GLT8D2: variants seen among roughly 807,000 people sequenced by gnomAD.
The protein encoded by GLT8D2 is glycosyltransferase 8 domain-containing protein 2.
A neutral mutation model predicts 44.5 loss-of-function variants in GLT8D2; 45 were observed. That is an observed-to-expected ratio of 1.01 (90% CI 0.80 to 1.30). The LOEUF (loss-of-function observed/expected upper bound fraction) is 1.30. Ranked by LOEUF, GLT8D2 falls within the 50% of genes most tolerant of loss-of-function variation. The probability of loss-of-function intolerance (pLI) is 0.00; values close to 1 mark genes in which losing one functional copy is unlikely to be tolerated. For missense variants in GLT8D2, 400 were observed against 430.4 expected (o/e 0.93, Z 0.62); for synonymous variants, 156 against 157.2 (o/e 0.99, Z 0.06).
At chr12:104,057,711 C>T (rs1356208415) in intron 1 of GLT8D2, among the ~76,000 whole-genome samples, 2 of 152,168 alleles carry the variant, frequency 1.3e-5, no homozygotes, top group East Asian at 3.8e-4. Flanking sequence ...TAATTGAGAT[C>T]ACTTTGAAGG....
At chr12:104,055,870 T>A (rs929382776) in intron 1 of GLT8D2, among the ~76,000 whole-genome samples, 8 of 152,322 alleles carry the variant, frequency 5.3e-5, no homozygotes, top group African/African-American at 9.6e-5. Flanking sequence ...ATGGCTGGGC[T>A]CCAAGATCAC....
intron 1 of GLT8D2, among the ~76,000 whole-genome samples, chr12:104,029,235 A>T (rs548469683): frequency 2.0e-5 from 3 of 152,330 alleles, no homozygotes; most frequent in African/African-American, 7.2e-5. Flanking sequence ...GGTTGCAGTG[A>T]GCCGAGATTG....
intron 1 of GLT8D2, among the ~76,000 whole-genome samples, chr12:104,025,712 A>C (rs1878491311): frequency 6.6e-6 from 1 of 152,200 alleles, no homozygotes; most frequent in Non-Finnish European, 1.5e-5. Context: ...AGTTGTTCCA[A>C]GACCATTTGT....
intron 4 of GLT8D2, chr12:104,012,731 C>T: frequency 1.5e-6 from 1 of 671,544 alleles, no homozygotes; most frequent in Admixed American, 2.3e-5. Context: ...TAGCTTCCAG[C>T]ATCTCAGGAT....
chr12:104,058,189 C>G (rs1449137711), intron 1 of GLT8D2, among the ~76,000 whole-genome samples: 1 of 152,184 alleles, frequency 6.6e-6, no homozygotes, highest in African/African-American at 2.4e-5. Context: ...GGACAAGTCT[C>G]CTGCAAGGGA....
At chr12:104,060,141 T>C (rs1008772728) in intron 1 of GLT8D2, among the ~76,000 whole-genome samples, 1 of 152,222 alleles carries the variant, frequency 6.6e-6, no homozygotes, top group Non-Finnish European at 1.5e-5. Context: ...CTTCTGCCTC[T>C]ATGAAACCCT....
intron 1 of GLT8D2, among the ~76,000 whole-genome samples, chr12:104,025,162 T>C (rs1296861721): frequency 2.6e-5 from 4 of 151,976 alleles, no homozygotes; most frequent in Admixed American, 1.3e-4. Flanking sequence ...TAACAATAAA[T>C]TTTGCAGAGC....
intron 4 of GLT8D2, chr12:104,014,173 G>A: frequency 1.6e-6 from 1 of 631,600 alleles, no homozygotes; most frequent in South Asian, 1.8e-5. Context: ...AGATGAACCT[G>A]AGCAGCATGG....
chr12:104,004,486 G>C (rs577908722), intron 4 of GLT8D2, among the ~76,000 whole-genome samples: 2 of 152,162 alleles, frequency 1.3e-5, no homozygotes, highest in African/African-American at 4.8e-5. Context: ...AAACCCGACC[G>C]TCTCAGCCCA....
rs182535979 is a variant in GLT8D2 at position 104,021,995 on chromosome 12, A to G, written c.-163-504T>C. Among the ~76,000 whole-genome samples the G allele has an allele frequency of 5.5e-3, 247 of 45,192 alleles. 40 individuals carry two copies. Among genetic ancestry groups the G allele is most frequent in the East Asian group, 0.033 (28 of 852 alleles). The allele number at this position is 45,192 out of a possible 152,430, so 29.6% of individuals were successfully genotyped here. On this transcript the variant is annotated intron_variant, in intron 1 of 10. Transcript: ENST00000360814. The stretch of plus-strand genomic sequence containing the variant: ...AGGAAGAGGAAGAGGAAGAAGAAGA[A>G]GAAGAAGAAGAAGAAGAAGAAGAAG...
chr12:104,064,372 G>A, upstream of GLT8D2: 2 of 486,938 alleles, frequency 4.1e-6, no homozygotes, highest in Non-Finnish European at 3.4e-6. The surrounding 1 kb of genome is among the most constrained non-coding windows in gnomAD (Gnocchi z 7.3). Context: ...CTGGGGTGGG[G>A]GCGGGGCTCC....
chr12:103,998,418 T>A lies in GLT8D2; in HGVS notation c.403-883A>T, dbSNP rs1873771278. Among the ~76,000 whole-genome samples the A allele has an allele frequency of 3.3e-5, 5 of 150,994 alleles. No individual in the cohort carries two copies. The South Asian group carries it at 8.3e-4, about 25-fold the overall frequency. On this transcript the variant is annotated intron_variant, in intron 6 of 10. Coordinates refer to ENST00000360814, the MANE Select transcript of GLT8D2 (RefSeq NM_001384711.1). ...CATGCCTAGCTAATTAAAAAAAAAT[T>A]TTTTTTTTTGAGACGGAGTCTCACT...
At chr12:103,995,431 T>G (rs1404772416) in intron 8 of GLT8D2, among the ~76,000 whole-genome samples, 1 of 152,254 alleles carries the variant, frequency 6.6e-6, no homozygotes, top group African/African-American at 2.4e-5. Flanking sequence ...TCCCGCTTCC[T>G]GGAGGGTTTC....
chr12:104,053,846 T>C (rs1207736574), upstream of GLT8D2, among the ~76,000 whole-genome samples: 2 of 151,144 alleles, frequency 1.3e-5, no homozygotes, highest in East Asian at 3.9e-4. Flanking sequence ...ATTGCGCCAC[T>C]GCACTCCAGC....
chr12:104,055,125 T>C (rs372268080), upstream of GLT8D2, among the ~76,000 whole-genome samples: 15 of 152,128 alleles, frequency 9.9e-5, 1 homozygote, highest in South Asian at 3.1e-3. Context: ...ATGGAGAGGG[T>C]GGCCAGCAAG....
intron 10 of GLT8D2, among the ~76,000 whole-genome samples, chr12:103,993,103 G>C (rs1432910832): frequency 6.6e-6 from 1 of 152,118 alleles, no homozygotes; most frequent in Non-Finnish European, 1.5e-5. Context: ...GGCCGAAATG[G>C]GTGGATCACC....
chr12:104,051,584 C>T (rs375090387), upstream of GLT8D2, among the ~76,000 whole-genome samples: 1 of 152,176 alleles, frequency 6.6e-6, no homozygotes, highest in Admixed American at 6.5e-5. Flanking sequence ...AATATTGATG[C>T]TTATGTTGGA....
At chr12:104,045,955 AAAT>A (rs778347845) in intron 1 of GLT8D2, among the ~76,000 whole-genome samples, 99 of 139,532 alleles carry the variant, frequency 7.1e-4, no homozygotes, top group Admixed American at 1.4e-3. Context: ...GAAAGAAAGA[AAAT>A]AAGAAAGAAA....
intron 4 of GLT8D2, among the ~76,000 whole-genome samples, chr12:104,004,409 G>T (rs1203735805): frequency 6.6e-6 from 1 of 152,128 alleles, no homozygotes; most frequent in East Asian, 1.9e-4. Context: ...GAAATAAAGG[G>T]TATTCATTTA....
Sources: allele counts gnomAD v4.1 joint callset (sites outside exome capture counted in the v4.1 genomes callset), GRCh38; gene constraint gnomAD v4.1.1; non-coding constraint Gnocchi (gnomAD v3.1); transcripts MANE v1.5; gene names NCBI Gene and HGNC (gene_info 2026-07-23, HGNC 2026-07-21).